SEC63: variants seen among roughly 807,000 people sequenced by gnomAD.
SEC63 encodes SEC63 protein translocation regulator, also known as translocation protein SEC63 homolog.
Under a neutral mutation model 116.2 loss-of-function variants are expected in SEC63, and 56 were observed. The observed-to-expected ratio is 0.48, with a 90% CI of 0.39 to 0.60. The LOEUF (loss-of-function observed/expected upper bound fraction) is 0.60. Among genes scored for constraint, SEC63 ranks in the 20% least tolerant of loss-of-function variants. The pLI is 0.00. For missense variants in SEC63, 668 were observed against 900.0 expected, an observed-to-expected ratio of 0.74 and a Z score of 3.30; for synonymous variants, 273 against 294.6, an observed-to-expected ratio of 0.93 and a Z score of 0.75.
At chr6:107,948,279 G>A (rs1368827215) in intron 1 of SEC63, among the ~76,000 whole-genome samples, 2 of 152,198 alleles carry the variant, frequency 1.3e-5, no homozygotes, top group Non-Finnish European at 2.9e-5. Context: ...TGGCTAACAA[G>A]AGATGCTCTG....
chr6:107,883,929 A>C (rs549995454), intron 16 of SEC63, among the ~76,000 whole-genome samples: 1 of 151,690 alleles, frequency 6.6e-6, no homozygotes, highest in South Asian at 2.1e-4. Flanking sequence ...TCACTTTAAG[A>C]ATCAAGAACA....
rs931576355 is a variant in SEC63 at position 107,954,376 on chromosome 6, C to T, written c.124+3510G>A. Among the ~76,000 whole-genome samples, 90 of 149,704 alleles carry T rather than the reference C, an allele frequency of 6.0e-4. 1 individual carries two copies. Among genetic ancestry groups the T allele is most frequent in the Admixed American group, 8.8e-4 (13 of 14,800 alleles). On this transcript the variant is annotated intron_variant, in intron 1 of 20. Coordinates refer to ENST00000369002, the MANE Select transcript of SEC63 (RefSeq NM_007214.5). ...CCTAGGAAAACCAGAGACCTCTGTT[C>T]ACTTGTTTATCTGCTGACCCTCCCT...
intron 17 of SEC63, among the ~76,000 whole-genome samples, chr6:107,882,433 G>C (rs148832357): frequency 1.3e-5 from 2 of 152,074 alleles, no homozygotes; most frequent in Admixed American, 6.6e-5. Flanking sequence ...TCTCCTATAC[G>C]CTATACTTTT....
rs1358849450 is a variant in SEC63, at chr6:107,876,789, T to C, written c.1936-127A>G. The stretch of plus-strand genomic sequence containing the variant: ...CACTGACAAACTGCTTGGTACAAAA[T>C]AGGTATTCAAATGAATATTTACTGA... On this transcript the variant is annotated intron_variant, in intron 18 of 20. Coordinates refer to ENST00000369002, the MANE Select transcript of SEC63 (RefSeq NM_007214.5). 1.7e-5 allele frequency: 11 copies of C among 665,394 alleles called. No individual in the cohort carries two copies. In the East Asian group the frequency reaches 2.7e-4, roughly 16 times the overall value. 41.2% of individuals were successfully genotyped at this position (665,394 alleles called of 1,614,324 possible). A position where few individuals can be genotyped will look rare whatever the true frequency, so the allele number is the denominator to read the frequency against.
intron 1 of SEC63, among the ~76,000 whole-genome samples, chr6:107,935,103 C>T (rs533086948): frequency 0.039 from 5,456 of 140,210 alleles, 354 homozygotes; most frequent in African/African-American, 0.14. Context: ...CCAGCTGCCC[C>T]GTCCGGGAGG....
chr6:107,934,071 C>T (rs1414894770), intron 1 of SEC63, among the ~76,000 whole-genome samples: 1 of 152,200 alleles, frequency 6.6e-6, no homozygotes, highest in Non-Finnish European at 1.5e-5. Flanking sequence ...TGGCTCGCTA[C>T]AACCTCCACC....
intron 13 of SEC63, among the ~76,000 whole-genome samples, chr6:107,898,872 T>C (rs1207034971): frequency 6.6e-6 from 1 of 152,204 alleles, no homozygotes; most frequent in Non-Finnish European, 1.5e-5. Flanking sequence ...TTTACTAACA[T>C]ACCATCAGTT....
intron 18 of SEC63, among the ~76,000 whole-genome samples, chr6:107,878,545 A>T (rs1786334052): frequency 6.6e-6 from 1 of 152,206 alleles, no homozygotes; most frequent in Admixed American, 6.5e-5. Flanking sequence ...ATTTAATTAC[A>T]ATGAGATTCA....
chr6:107,933,426 G>A (rs1205623782), intron 1 of SEC63, among the ~76,000 whole-genome samples: 1 of 152,162 alleles, frequency 6.6e-6, no homozygotes, highest in Non-Finnish European at 1.5e-5. Context: ...AGTGATCGGT[G>A]AGCATCGCCA....
chr6:107,870,327 CATTTT>C lies in SEC63; in HGVS notation c.*1372_*1376del, dbSNP rs1346919255. On this transcript the variant is annotated 3_prime_UTR_variant, in exon 21 of 21. Transcript: ENST00000369002. ...CCATTCATGGTTTTGCTAATTTTCA[CATTTT>C]ATTTCCAACTATTGCAGTAACAAGA... The C allele has an allele frequency of 6.6e-6, 1 of 152,618 alleles. No homozygotes were observed. Among genetic ancestry groups the C allele is most frequent in the Non-Finnish European group, 1.5e-5 (1 of 68,024 alleles). 9.5% of individuals were successfully genotyped at this position (152,618 alleles called of 1,614,324 possible).
At position 107,935,316 on chromosome 6, in the gene SEC63, C is replaced by T. The variant is rs1021939030; in HGVS notation, c.125-5802G>A. Reference sequence around the variant, plus strand: ...GCCCAACAGCTCACTGAGAACGGGCCGGGATGACAATGGCGGTTTTGTGGA... The same window carrying T: ...GCCCAACAGCTCACTGAGAACGGGCTGGGATGACAATGGCGGTTTTGTGGA... On this transcript the variant is annotated intron_variant, in intron 1 of 20. Coordinates refer to ENST00000369002, the MANE Select transcript of SEC63 (RefSeq NM_007214.5). Among the ~76,000 whole-genome samples, 149 of 151,516 alleles carry T rather than the reference C, an allele frequency of 9.8e-4. 1 individual carries two copies. The highest frequency in any genetic ancestry group is 3.3e-3 in the African/African-American group (135 of 41,272).
In SEC63 at chr6:107,868,495, C is replaced by T. The variant is rs1247727942; in HGVS notation, c.*3209G>A. On this transcript the variant is annotated 3_prime_UTR_variant, in exon 21 of 21. Transcript: ENST00000369002. ...TCAGGAGGCTGAGGCAGAAGAATCG[C>T]TTGAAGCTGGGAGGCGGAGGTTGCA... 2 of 152,462 alleles carry T rather than the reference C, an allele frequency of 1.3e-5. No individual in the cohort carries two copies. Among genetic ancestry groups the T allele is most frequent in the African/African-American group, 2.4e-5 (1 of 41,400 alleles). The allele number at this position is 152,462 out of a possible 1,614,324, so 9.4% of individuals were successfully genotyped here. A position where few individuals can be genotyped will look rare whatever the true frequency, so the allele number is the denominator to read the frequency against.
intron 18 of SEC63, among the ~76,000 whole-genome samples, chr6:107,880,307 T>C (rs749801950): frequency 2.0e-5 from 3 of 152,222 alleles, no homozygotes; most frequent in Non-Finnish European, 4.4e-5. Flanking sequence ...GATTTATACA[T>C]GAAATCACCT....
chr6:107,876,978 A>ACAATAG (rs1786289772), intron 18 of SEC63: 1 of 290,584 alleles, frequency 3.4e-6, no homozygotes, highest in Admixed American at 4.7e-5. Flanking sequence ...TACAACTATT[A>ACAATAG]CAATAGCATG....
intron 13 of SEC63, among the ~76,000 whole-genome samples, chr6:107,900,293 G>A (rs1786970731): frequency 6.6e-6 from 1 of 151,942 alleles, no homozygotes; most frequent in Admixed American, 6.6e-5. Context: ...ACACCACTGG[G>A]CCCAGCCCTT....
At chr6:107,889,778 A>G (rs1273876529) in intron 16 of SEC63, among the ~76,000 whole-genome samples, 1 of 152,050 alleles carries the variant, frequency 6.6e-6, no homozygotes, top group Non-Finnish European at 1.5e-5. Flanking sequence ...CTGGTACGTT[A>G]TGTCTTTGTT....
chr6:107,946,423 C>T (rs1295557610), intron 1 of SEC63, among the ~76,000 whole-genome samples: 2 of 151,472 alleles, frequency 1.3e-5, no homozygotes, highest in African/African-American at 4.9e-5. Flanking sequence ...AGGCTGGTCT[C>T]AAACTCTTTA....
intron 16 of SEC63, among the ~76,000 whole-genome samples, chr6:107,889,994 C>T (rs775712082): frequency 2.0e-5 from 3 of 152,162 alleles, no homozygotes; most frequent in Non-Finnish European, 4.4e-5. Context: ...GAGTGTTTTA[C>T]TTCCAATTAT....
chr6:107,950,819 G>A (rs1445889198), intron 1 of SEC63, among the ~76,000 whole-genome samples: 1 of 152,160 alleles, frequency 6.6e-6, no homozygotes, highest in Non-Finnish European at 1.5e-5. Flanking sequence ...TTTTTTAAAT[G>A]ATACATTTTA....
Sources: gnomAD v4.1 joint callset for allele counts (sites outside exome capture counted in the v4.1 genomes callset) on GRCh38, gnomAD v4.1.1 for gene constraint, MANE v1.5 for transcripts, NCBI Gene and HGNC (gene_info 2026-07-23, HGNC 2026-07-21) for gene names.